The following SGK3 variants were observed in gnomAD, a reference collection of about 807,000 sequenced individuals.
SGK3 encodes the protein serine/threonine-protein kinase Sgk3.
SGK3 carries 47 observed loss-of-function variants against 68.5 expected under a neutral mutation model. The observed-to-expected ratio is 0.69, with a 90% CI of 0.54 to 0.87. The LOEUF is 0.87. Among genes scored for constraint, SGK3 ranks in the 40% least tolerant of loss-of-function variants. The probability of loss-of-function intolerance (pLI) is 0.00; values close to 1 mark genes in which losing one functional copy is unlikely to be tolerated. For missense variants in SGK3, 479 were observed against 575.5 expected (o/e 0.83, Z 1.72); for synonymous variants, 181 against 189.1 (o/e 0.96, Z 0.35).
chr8:66,750,084 C>G (rs1271301530), intron 1 of SGK3, among the ~76,000 whole-genome samples: 2 of 151,944 alleles, frequency 1.3e-5, no homozygotes, highest in Admixed American at 6.6e-5. Flanking sequence ...AGTGCATCTT[C>G]TACTATATGG....
intron 13 of SGK3, among the ~76,000 whole-genome samples, chr8:66,842,992 GC>G (rs894148814): frequency 4.5e-4 from 68 of 152,234 alleles, no homozygotes; most frequent in African/African-American, 1.6e-3. Context: ...TATCACCTGA[GC>G]CCAGGAAGTC....
chr8:66,720,724 C>T (rs765399003), intron 1 of SGK3, among the ~76,000 whole-genome samples: 3 of 151,532 alleles, frequency 2.0e-5, no homozygotes, highest in East Asian at 3.9e-4. Flanking sequence ...GAGCCAAGAT[C>T]GCACCACTGC....
intron 1 of SGK3, chr8:66,767,873 A>T (rs779481335): frequency 1.5e-6 from 2 of 1,333,090 alleles, no homozygotes; most frequent in South Asian, 1.2e-5. Flanking sequence ...TTGCCAAAAC[A>T]TGATATTGAA....
chr8:66,779,581 T>TAC (rs1791277098), intron 1 of SGK3, among the ~76,000 whole-genome samples: 1 of 136,162 alleles, frequency 7.3e-6, no homozygotes, highest in African/African-American at 2.6e-5. Flanking sequence ...TATATATATA[T>TAC]ATATATATAT....
chr8:66,741,014 T>C (rs1805463899), intron 1 of SGK3, among the ~76,000 whole-genome samples: 1 of 152,108 alleles, frequency 6.6e-6, no homozygotes, highest in Non-Finnish European at 1.5e-5. Context: ...AAAGCCCTGT[T>C]TTAATTGCAT....
rs549333590 is a variant in SGK3 at position 66,851,992 on chromosome 8, G to A, written c.1320+1072G>A. The stretch of plus-strand genomic sequence containing the variant: ...GTCTCATAGCTGGATAGTAGAGCCA[G>A]GATTCCAATATATGCGTGATTCCAG... On this transcript the variant is annotated intron_variant, in intron 16 of 16. Coordinates refer to ENST00000521198, the MANE Select transcript of SGK3 (RefSeq NM_001033578.3). Among the ~76,000 whole-genome samples the A allele has an allele frequency of 9.9e-5, 15 of 152,176 alleles. No individual in the cohort carries two copies. In the East Asian group the frequency reaches 2.9e-3, roughly 29 times the overall value.
intron 7 of SGK3, among the ~76,000 whole-genome samples, chr8:66,830,441 A>G (rs571224528): frequency 7.9e-5 from 12 of 152,280 alleles, no homozygotes; most frequent in Admixed American, 3.9e-4. Flanking sequence ...TCATGTTTGA[A>G]TTAACGATTT....
intron 1 of SGK3, among the ~76,000 whole-genome samples, chr8:66,749,749 G>C (rs1190157571): frequency 6.6e-6 from 1 of 151,984 alleles, no homozygotes; most frequent in African/African-American, 2.4e-5. Flanking sequence ...AGCAAGTGAG[G>C]AATTTGAGAT....
At chr8:66,773,322 C>T (rs1049748608) in intron 1 of SGK3, among the ~76,000 whole-genome samples, 9 of 152,106 alleles carry the variant, frequency 5.9e-5, no homozygotes, top group Admixed American at 5.2e-4. Context: ...AGGAGAAAGC[C>T]AAGGACCTGG....
At chr8:66,788,643 T>G (rs1164870998) in intron 1 of SGK3, among the ~76,000 whole-genome samples, 1 of 152,168 alleles carries the variant, frequency 6.6e-6, no homozygotes, top group East Asian at 1.9e-4. Flanking sequence ...GAACAGCATA[T>G]CCAAGTATTG....
intron 1 of SGK3, among the ~76,000 whole-genome samples, chr8:66,734,272 T>G (rs1374561332): frequency 6.8e-6 from 1 of 146,914 alleles, no homozygotes; most frequent in Non-Finnish European, 1.5e-5. Context: ...TGATGTATGG[T>G]GTGATTGTTA....
chr8:66,802,765 G>A (rs1453010971), intron 3 of SGK3, among the ~76,000 whole-genome samples: 1 of 151,802 alleles, frequency 6.6e-6, no homozygotes, highest in African/African-American at 2.4e-5. Context: ...AAGGAGGAAG[G>A]AAGGAAGGAA....
chr8:66,765,487 TTTCTCTCAG>T (rs1158094284), intron 1 of SGK3, among the ~76,000 whole-genome samples: 1 of 152,224 alleles, frequency 6.6e-6, no homozygotes, highest in Non-Finnish European at 1.5e-5. Flanking sequence ...TTGCAAATAT[TTTCTCTCAG>T]TATTGTTCAA....
At chr8:66,850,349 C>T (rs1003559286) in intron 15 of SGK3, among the ~76,000 whole-genome samples, 1 of 152,174 alleles carries the variant, frequency 6.6e-6, no homozygotes, top group Non-Finnish European at 1.5e-5. Context: ...TTGGTAATAC[C>T]AACCCTGAGT....
intron 1 of SGK3, chr8:66,767,583 C>G (rs1478352729): frequency 7.1e-7 from 1 of 1,411,278 alleles, no homozygotes; most frequent in African/African-American, 1.4e-5. Flanking sequence ...GCACTTCACT[C>G]AAGGGGAGAT....
chr8:66,845,738 A>ATT (rs1809985144), intron 14 of SGK3, among the ~76,000 whole-genome samples: 1 of 127,996 alleles, frequency 7.8e-6, no homozygotes, highest in African/African-American at 2.8e-5. Context: ...ATTTATTTAT[A>ATT]GTAGAGACAG....
At chr8:66,775,470 G>A (rs1806666118) in intron 1 of SGK3, 1 of 152,392 alleles carries the variant, frequency 6.6e-6, no homozygotes, top group African/African-American at 2.4e-5. Flanking sequence ...TCACGAGCGC[G>A]GGGCGGGGCG....
chr8:66,748,546 C>T (rs1009533258), intron 1 of SGK3, among the ~76,000 whole-genome samples: 6 of 152,130 alleles, frequency 3.9e-5, no homozygotes, highest in Non-Finnish European at 2.9e-5. Context: ...ATGTGTCATC[C>T]CTGCTGTTAC....
intron 5 of SGK3, among the ~76,000 whole-genome samples, chr8:66,817,601 C>A (rs1040015504): frequency 2.6e-5 from 4 of 151,920 alleles, no homozygotes; most frequent in African/African-American, 9.7e-5. Flanking sequence ...TATCTCCCCC[C>A]TCGGCCTCCT....
Sources: allele counts gnomAD v4.1 joint callset (sites outside exome capture counted in the v4.1 genomes callset), GRCh38; gene constraint gnomAD v4.1.1; transcripts MANE v1.5; gene names NCBI Gene and HGNC (gene_info 2026-07-23, HGNC 2026-07-21).